The following WWOX variants were observed in gnomAD, a reference collection of about 807,000 sequenced individuals.
WWOX encodes the protein WW domain containing oxidoreductase, also known as WW domain-containing oxidoreductase.
WWOX carries 69 observed loss-of-function variants against 46.2 expected under a neutral mutation model. The observed-to-expected ratio is 1.49, with a 90% CI of 1.23 to 1.82. The LOEUF (loss-of-function observed/expected upper bound fraction) is 1.82. Among genes scored for constraint, WWOX ranks in the 40% most tolerant of loss-of-function variants. The probability of loss-of-function intolerance (pLI) is 0.00; values close to 1 mark genes in which losing one functional copy is unlikely to be tolerated. For missense variants in WWOX, 919 were observed against 542.6 expected (o/e 1.69, Z -6.89); for synonymous variants, 359 against 202.6 (o/e 1.77, Z -6.56).
chr16:78,797,533 G>T (rs911939839), intron 8 of WWOX, among the ~76,000 whole-genome samples: 9 of 152,116 alleles, frequency 5.9e-5, no homozygotes, highest in Non-Finnish European at 1.3e-4. Flanking sequence ...CAGGATTGAG[G>T]CACTGTTCCA....
At chr16:79,002,200 T>A (rs1255635177) in intron 8 of WWOX, among the ~76,000 whole-genome samples, 1 of 149,366 alleles carries the variant, frequency 6.7e-6, no homozygotes, top group Non-Finnish European at 1.5e-5. Context: ...TTAGATTTCC[T>A]TGGGTGTCCT....
chr16:78,523,923 A>G (rs1236244308), intron 8 of WWOX, among the ~76,000 whole-genome samples: 1 of 152,218 alleles, frequency 6.6e-6, no homozygotes, highest in African/African-American at 2.4e-5. Flanking sequence ...AAGAAATACC[A>G]GTGATTTCTG....
intron 6 of WWOX, among the ~76,000 whole-genome samples, chr16:78,406,113 G>C (rs1279997072): frequency 4.6e-5 from 7 of 151,506 alleles, no homozygotes; most frequent in African/African-American, 1.7e-4. Context: ...TTCGTATTGT[G>C]TATCTTGCAG....
chr16:78,795,445 C>G (rs1025805556), intron 8 of WWOX, among the ~76,000 whole-genome samples: 20 of 152,104 alleles, frequency 1.3e-4, no homozygotes, highest in African/African-American at 4.3e-4. Context: ...TGGACTACAA[C>G]TAGTACTTGT....
intron 8 of WWOX, among the ~76,000 whole-genome samples, chr16:78,911,926 G>T (rs576436876): frequency 9.2e-5 from 14 of 152,142 alleles, no homozygotes; most frequent in African/African-American, 3.1e-4. Flanking sequence ...GTGTGTGCAA[G>T]ACTCATGGAT....
chr16:78,513,893 C>T (rs1330303320), intron 8 of WWOX, among the ~76,000 whole-genome samples: 1 of 140,630 alleles, frequency 7.1e-6, no homozygotes, highest in Non-Finnish European at 1.5e-5. Flanking sequence ...ACAGTTCCCA[C>T]TCCCCCCCCC....
intron 8 of WWOX, among the ~76,000 whole-genome samples, chr16:78,744,095 A>C (rs1198588569): frequency 1.3e-5 from 2 of 152,158 alleles, no homozygotes; most frequent in African/African-American, 4.8e-5. Context: ...TGGTATGAAG[A>C]GTATTGGGGT....
In WWOX at chr16:78,618,745, C is replaced by T. The variant is rs547663021; in HGVS notation, c.1056+185993C>T. 2.6e-5 allele frequency among the ~76,000 whole-genome samples: 4 copies of T among 151,892 alleles called. No homozygotes were observed. The South Asian group carries it at 8.4e-4, about 32-fold the overall frequency. ...ATGTATAATGACTCATGAGAGAATTCCCCACTGTCTTCCCCACCTGAGACC... is the reference window on the plus strand; with the variant it reads ...ATGTATAATGACTCATGAGAGAATTTCCCACTGTCTTCCCCACCTGAGACC... On this transcript the variant is annotated intron_variant, in intron 8 of 8. Transcript: ENST00000566780.
chr16:79,210,508 T>G (rs1198974595), intron 8 of WWOX, among the ~76,000 whole-genome samples: 1 of 152,120 alleles, frequency 6.6e-6, no homozygotes. Flanking sequence ...TTCCTTAGTG[T>G]TTTCCTTGTG....
chr16:79,173,686 G>T (rs993156504), intron 8 of WWOX, among the ~76,000 whole-genome samples: 1 of 150,344 alleles, frequency 6.7e-6, no homozygotes, highest in Non-Finnish European at 1.5e-5. Flanking sequence ...CAACCTGAAG[G>T]TTCAACAGCA....
At chr16:78,739,070 G>A (rs1345431662) in intron 8 of WWOX, among the ~76,000 whole-genome samples, 1 of 152,188 alleles carries the variant, frequency 6.6e-6, no homozygotes, top group Non-Finnish European at 1.5e-5. Flanking sequence ...TAAAGGAATA[G>A]AGGGTTCCTC....
At chr16:78,534,610 T>G (rs923600408) in intron 8 of WWOX, 6 of 152,240 alleles carry the variant, frequency 3.9e-5, no homozygotes, top group Non-Finnish European at 8.8e-5. Context: ...ATGGCCCCTA[T>G]GGAGGTTCAT....
intron 3 of WWOX, among the ~76,000 whole-genome samples, chr16:78,110,124 G>T (rs1047754605): frequency 2.0e-5 from 3 of 151,840 alleles, no homozygotes; most frequent in African/African-American, 7.3e-5. Context: ...GGTGGATCCT[G>T]AGGTCAAGAG....
chr16:79,074,740 A>C (rs1315083221), intron 8 of WWOX, among the ~76,000 whole-genome samples: 1 of 152,156 alleles, frequency 6.6e-6, no homozygotes, highest in Non-Finnish European at 1.5e-5. Flanking sequence ...AACTAAGCTG[A>C]GATAGCCTAA....
chr16:78,524,610 G>C (rs1014533682), intron 8 of WWOX, among the ~76,000 whole-genome samples: 6 of 151,526 alleles, frequency 4.0e-5, no homozygotes, highest in Non-Finnish European at 7.4e-5. Context: ...TAGTAAAGAC[G>C]GGGTTTCACC....
intron 8 of WWOX, among the ~76,000 whole-genome samples, chr16:79,156,262 A>C (rs1241382211): frequency 6.6e-6 from 1 of 152,192 alleles, no homozygotes; most frequent in Non-Finnish European, 1.5e-5. Context: ...CCTGGGCTCA[A>C]GCAATCCTCC....
At chr16:78,947,740 A>C (rs1255322182) in intron 8 of WWOX, among the ~76,000 whole-genome samples, 4 of 152,200 alleles carry the variant, frequency 2.6e-5, no homozygotes, top group Non-Finnish European at 1.5e-5. Flanking sequence ...TGCCACCTAG[A>C]TGCTATTTAT....
At chr16:78,298,163 A>G (rs953584776) in intron 5 of WWOX, among the ~76,000 whole-genome samples, 10 of 152,142 alleles carry the variant, frequency 6.6e-5, no homozygotes, top group Non-Finnish European at 1.5e-4. Context: ...TAGAACTGTG[A>G]ATCAATTAAA....
At chr16:79,107,715 C>T (rs964326083) in intron 8 of WWOX, among the ~76,000 whole-genome samples, 2 of 152,180 alleles carry the variant, frequency 1.3e-5, no homozygotes, top group Admixed American at 1.3e-4. Flanking sequence ...ATGTTCACAT[C>T]CTTCCCCCAG....
Sources: gnomAD v4.1 joint callset for allele counts (sites outside exome capture counted in the v4.1 genomes callset) on GRCh38, gnomAD v4.1.1 for gene constraint, MANE v1.5 for transcripts, NCBI Gene and HGNC (gene_info 2026-07-23, HGNC 2026-07-21) for gene names.